Variants in RFC1 observed in about 807,000 individuals in gnomAD.
RFC1 encodes replication factor C subunit 1, also known as A1 140 kDa subunit.
RFC1 carries 37 observed loss-of-function variants against 137.4 expected under a neutral mutation model. The observed-to-expected ratio is 0.27, with a 90% confidence interval of 0.21 to 0.35. The LOEUF (loss-of-function observed/expected upper bound fraction) is 0.35, where lower values mean the gene tolerates loss of function less well. Ranked by LOEUF, RFC1 falls within the 10% of genes least tolerant of loss-of-function variation. The probability of loss-of-function intolerance (pLI) is 1.00; values close to 1 mark genes in which losing one functional copy is unlikely to be tolerated. For synonymous variants in RFC1, 429 were observed against 455.7 expected (o/e 0.94, Z 0.75); for missense variants, 1,205 against 1,358.5 (o/e 0.89, Z 1.78).
intron 22 of RFC1, among the ~76,000 whole-genome samples, chr4:39,292,512 A>G (rs899428176): frequency 1.6e-4 from 25 of 152,216 alleles, no homozygotes; most frequent in Non-Finnish European, 3.2e-4. Context: ...GTCACTTCTT[A>G]AAGACAGAAA....
chr4:39,334,322 C>G lies in RFC1; in HGVS notation c.332-6566G>C, dbSNP rs189197436. Among the ~76,000 whole-genome samples the G allele has an allele frequency of 1.5e-3, 228 of 152,240 alleles. 1 individual carries two copies. The highest frequency in any genetic ancestry group is 5.4e-3 in the African/African-American group (225 of 41,546). On this transcript the variant is annotated intron_variant, in intron 4 of 24. Transcript: ENST00000349703. ...CAGAAAACTTGAAGAACGAGCAGTC[C>G]TACTGTTTCTCTACTATGACTTCTG...
At chr4:39,333,561 G>A (rs528886065) in intron 4 of RFC1, among the ~76,000 whole-genome samples, 1 of 150,722 alleles carries the variant, frequency 6.6e-6, no homozygotes, top group Non-Finnish European at 1.5e-5. Flanking sequence ...CCCAAATTTC[G>A]AGGCTGAAAA....
At chr4:39,339,941 C>A (rs1022632488) in intron 4 of RFC1, among the ~76,000 whole-genome samples, 11 of 152,096 alleles carry the variant, frequency 7.2e-5, no homozygotes, top group African/African-American at 2.7e-4. Context: ...TCTTTAAAGG[C>A]AGATGTAGGC....
chr4:39,359,894 A>G (rs867194249), intron 1 of RFC1, among the ~76,000 whole-genome samples: 6 of 151,954 alleles, frequency 3.9e-5, no homozygotes, highest in Admixed American at 1.3e-4. Context: ...AGTGAGGGAT[A>G]AAAGACTACA....
At chr4:39,340,735 C>A (rs1437394863) in intron 4 of RFC1, among the ~76,000 whole-genome samples, 1 of 152,006 alleles carries the variant, frequency 6.6e-6, no homozygotes. Flanking sequence ...CTCCCATTCA[C>A]CTATCATTTC....
chr4:39,312,287 C>G (rs532534980), intron 11 of RFC1, among the ~76,000 whole-genome samples: 1 of 152,288 alleles, frequency 6.6e-6, no homozygotes, highest in East Asian at 1.9e-4. Context: ...CCCAGCAATA[C>G]CTCCAGAATT....
chr4:39,292,478 CTCTT>C (rs1454141735), intron 22 of RFC1, among the ~76,000 whole-genome samples: 9 of 152,166 alleles, frequency 5.9e-5, no homozygotes, highest in South Asian at 2.1e-4. Context: ...CATAAAATGA[CTCTT>C]TCTTTCTCTC....
intron 23 of RFC1, among the ~76,000 whole-genome samples, chr4:39,290,968 T>G (rs538820438): frequency 4.0e-4 from 61 of 152,312 alleles, no homozygotes; most frequent in African/African-American, 1.4e-3. Flanking sequence ...ACATAATTCC[T>G]GAATTAGTCC....
Position 39,323,369 on chromosome 4 carries a change from T to G in RFC1, c.691A>C (p.Met231Leu). Residue 231 changes from methionine (M) to leucine (L), a missense_variant, in exon 7 of 25, where the codon ATG (methionine) becomes CTG (leucine). Coordinates refer to ENST00000349703, the MANE Select transcript of RFC1 (RefSeq NM_002913.5). ...TTGGTCTTGGGTTCTTCATCCAACA[T>G]GGCTAATGTTCTGGCAAACTCTTCA... ...EDEEFARTLA[M>L]LDEEPKTKKA... 1 of 1,614,116 alleles carries G rather than the reference T, an allele frequency of 6.2e-7. No individual in the cohort carries two copies. Among genetic ancestry groups the G allele is most frequent in the Non-Finnish European group, 8.5e-7 (1 of 1,179,974 alleles).
intron 14 of RFC1, among the ~76,000 whole-genome samples, chr4:39,305,699 TA>T (rs1317509746): frequency 6.6e-6 from 1 of 152,224 alleles, no homozygotes; most frequent in Non-Finnish European, 1.5e-5. Context: ...ACTATCCCAA[TA>T]AACTATTTTC....
At chr4:39,312,584 T>G (rs569448874) in intron 11 of RFC1, among the ~76,000 whole-genome samples, 168 bp downstream of exon 11, 8 of 152,208 alleles carry the variant, frequency 5.3e-5, no homozygotes, top group Admixed American at 2.0e-4. Flanking sequence ...AAAACCAAAA[T>G]CCTGGTGTCA....
At chr4:39,336,180 A>G (rs1740341976) in intron 4 of RFC1, among the ~76,000 whole-genome samples, 1 of 152,246 alleles carries the variant, frequency 6.6e-6, no homozygotes, top group South Asian at 2.1e-4. Flanking sequence ...AGATTATAAG[A>G]AAGCATCTAG....
chr4:39,339,435 T>A (rs990191967), intron 4 of RFC1, among the ~76,000 whole-genome samples: 3 of 152,160 alleles, frequency 2.0e-5, no homozygotes, highest in African/African-American at 7.2e-5. Flanking sequence ...ATAATAGCCA[T>A]CCTAACGAGT....
intron 15 of RFC1, among the ~76,000 whole-genome samples, chr4:39,304,335 A>G (rs1402054502): frequency 6.6e-6 from 1 of 152,088 alleles, no homozygotes; most frequent in Non-Finnish European, 1.5e-5. Context: ...ACCTCCAAAT[A>G]GTTTTCTTTC....
intron 4 of RFC1, among the ~76,000 whole-genome samples, chr4:39,333,004 AGC>A (rs1204614197): frequency 1.3e-5 from 2 of 152,204 alleles, no homozygotes; most frequent in African/African-American, 4.8e-5. Context: ...TGTAGCACCT[AGC>A]CATGTTACAG....
intron 1 of RFC1, among the ~76,000 whole-genome samples, chr4:39,353,308 G>A (rs1218107079): frequency 1.5e-5 from 2 of 134,820 alleles, no homozygotes; most frequent in South Asian, 2.3e-4. Flanking sequence ...ACTGGAGCAC[G>A]AGAATCGCTT....
intron 4 of RFC1, among the ~76,000 whole-genome samples, chr4:39,329,127 CAAAAAAAAA>C (rs71594924): frequency 1.1e-3 from 35 of 31,652 alleles, no homozygotes; most frequent in South Asian, 2.8e-3. Context: ...CAGTGACTCA[CAAAAAAAAA>C]AAAAAAAAAA....
rs776556661 is a variant in RFC1 at position 39,312,838 on chromosome 4, A to G, written c.1297T>C (p.Tyr433His). ...ACATTTCCTGTTACTTTTCCCCCAT[A>G]ACGTTCAATTAGAGACTTGGCCTCA... ...RDEAKSLIER[Y>H]GGKVTGNVSK... The change falls in exon 11 of 25, where the codon TAT becomes CAT. Residue 433 changes from tyrosine (Y) to histidine (H), a missense_variant. Transcript: ENST00000349703. The G allele has an allele frequency of 6.2e-7, 1 of 1,614,072 alleles. No individual in the cohort carries two copies.
At chr4:39,345,277 A>C (rs1015404225) in intron 3 of RFC1, 124 bp downstream of exon 3, 7 of 700,108 alleles carry the variant, frequency 1.0e-5, no homozygotes, top group African/African-American at 1.8e-5. Context: ...TGCCTCCCAA[A>C]GTGCTGCGAT....
Sources: gnomAD v4.1 joint callset for allele counts (sites outside exome capture counted in the v4.1 genomes callset) on GRCh38, gnomAD v4.1.1 for gene constraint, MANE v1.5 for transcripts, NCBI Gene and HGNC (gene_info 2026-07-23, HGNC 2026-07-21) for gene names.